LRMDA: variants seen among roughly 807,000 people sequenced by gnomAD.
The protein encoded by LRMDA is leucine-rich melanocyte differentiation-associated protein.
In LRMDA, 18 loss-of-function variants were observed where a neutral mutation model predicts 29.8. The observed-to-expected ratio is 0.60, with a 90% CI of 0.42 to 0.90. The LOEUF is 0.90. Among genes scored for constraint, LRMDA ranks in the 40% least tolerant of loss-of-function variants. LRMDA has a pLI of 0.00. For synonymous variants in LRMDA, 125 were observed against 109.4 expected (o/e 1.14, Z -0.89); for missense variants, 273 against 273.9 (o/e 1.00, Z 0.02).
chr10:75,895,682 A>G (rs1467753454), intron 2 of LRMDA, among the ~76,000 whole-genome samples: 1 of 152,210 alleles, frequency 6.6e-6, no homozygotes, highest in Non-Finnish European at 1.5e-5. Flanking sequence ...TGCTTAGGAA[A>G]TCCCCAGCAG....
At chr10:75,729,834 T>TC (rs1206016890) in intron 2 of LRMDA, among the ~76,000 whole-genome samples, 1 of 152,206 alleles carries the variant, frequency 6.6e-6, no homozygotes, top group Non-Finnish European at 1.5e-5. Context: ...TCTCACTTAG[T>TC]CACTCAAGGC....
At chr10:75,891,084 G>A (rs1885826) in intron 2 of LRMDA, among the ~76,000 whole-genome samples, 58,585 of 150,112 alleles carry the variant, frequency 0.39, 13,209 homozygotes, top group South Asian at 0.51. Context: ...CAGCCTGGGC[G>A]ACAGAGCTAG....
intron 2 of LRMDA, among the ~76,000 whole-genome samples, chr10:75,855,268 T>C (rs1433557976): frequency 6.6e-6 from 1 of 152,110 alleles, no homozygotes; most frequent in Admixed American, 6.5e-5. Context: ...TTCGAACTGG[T>C]GTGAGATGGT....
chr10:75,468,179 T>C (rs976446794), intron 2 of LRMDA, among the ~76,000 whole-genome samples: 2 of 152,200 alleles, frequency 1.3e-5, no homozygotes, highest in Non-Finnish European at 2.9e-5. Flanking sequence ...GGTTGGGGCA[T>C]TGATAATAGC....
chr10:76,488,831 C>T (rs1200578219), intron 6 of LRMDA, among the ~76,000 whole-genome samples: 4 of 151,672 alleles, frequency 2.6e-5, no homozygotes, highest in African/African-American at 2.4e-5. Context: ...CTTGAATTTG[C>T]GAGATAGATC....
At chr10:76,428,055 C>G (rs1842148483) in intron 6 of LRMDA, among the ~76,000 whole-genome samples, 1 of 152,108 alleles carries the variant, frequency 6.6e-6, no homozygotes, top group Admixed American at 6.6e-5. Flanking sequence ...GGATATTGGT[C>G]TAAAATTCTC....
At chr10:76,342,574 C>T (rs1386711050) in intron 6 of LRMDA, among the ~76,000 whole-genome samples, 4 of 150,860 alleles carry the variant, frequency 2.7e-5, no homozygotes, top group African/African-American at 9.7e-5. Context: ...TATAATAGAC[C>T]AAAAGTTAAT....
chr10:75,945,219 CAT>C (rs1321261827), intron 2 of LRMDA, among the ~76,000 whole-genome samples: 8 of 152,208 alleles, frequency 5.3e-5, no homozygotes, highest in Non-Finnish European at 1.2e-4. Flanking sequence ...TTGAGTCTCT[CAT>C]GTGGAAAGTA....
intron 6 of LRMDA, among the ~76,000 whole-genome samples, chr10:76,436,121 G>A (rs188686999): frequency 6.6e-6 from 1 of 152,330 alleles, no homozygotes; most frequent in Non-Finnish European, 1.5e-5. Flanking sequence ...GCCCAGCTCT[G>A]TGGTGATGGG....
At chr10:75,909,227 A>C (rs1209471951) in intron 2 of LRMDA, among the ~76,000 whole-genome samples, 1 of 152,258 alleles carries the variant, frequency 6.6e-6, no homozygotes, top group Non-Finnish European at 1.5e-5. Flanking sequence ...GAGAACCCAA[A>C]GAAGTAATTT....
At chr10:76,278,085 C>A (rs1840158560) in intron 5 of LRMDA, among the ~76,000 whole-genome samples, 1 of 152,132 alleles carries the variant, frequency 6.6e-6, no homozygotes, top group Admixed American at 6.5e-5. Context: ...TTGCTTCTTT[C>A]TAGATTTGGA....
chr10:75,554,835 G>T (rs975253738), intron 2 of LRMDA, among the ~76,000 whole-genome samples: 18 of 152,190 alleles, frequency 1.2e-4, no homozygotes, highest in Non-Finnish European at 2.4e-4. Flanking sequence ...TTCGTTAAAG[G>T]ATGATTGAGT....
At chr10:75,859,881 C>A (rs942445268) in intron 2 of LRMDA, among the ~76,000 whole-genome samples, 2 of 152,034 alleles carry the variant, frequency 1.3e-5, no homozygotes, top group Admixed American at 1.3e-4. Context: ...ACCTTTTAGG[C>A]CTTGATCCAT....
chr10:76,009,324 CA>C (rs940410667), intron 2 of LRMDA, among the ~76,000 whole-genome samples: 8 of 151,908 alleles, frequency 5.3e-5, no homozygotes, highest in Non-Finnish European at 1.5e-5. Context: ...AGCAACCAAA[CA>C]AAAAAACAAC....
chr10:76,038,428 A>G (rs1020966765), intron 3 of LRMDA, among the ~76,000 whole-genome samples: 6 of 152,340 alleles, frequency 3.9e-5, no homozygotes, highest in Non-Finnish European at 2.9e-5. Flanking sequence ...GGAGGGACCG[A>G]AGCAGAAGAC....
intron 2 of LRMDA, among the ~76,000 whole-genome samples, chr10:75,892,356 G>C (rs1183714651): frequency 6.6e-6 from 1 of 152,166 alleles, no homozygotes; most frequent in Non-Finnish European, 1.5e-5. Flanking sequence ...TCAGCCCAGG[G>C]AGCTCTGGGT....
chr10:76,451,641 G>A (rs1842408060), intron 6 of LRMDA, among the ~76,000 whole-genome samples: 2 of 146,364 alleles, frequency 1.4e-5, no homozygotes, highest in African/African-American at 2.5e-5. Flanking sequence ...CTTCTCCAAT[G>A]CTTTTTTTTT....
At chr10:76,150,958 G>T (rs941930889) in intron 5 of LRMDA, among the ~76,000 whole-genome samples, 1 of 152,100 alleles carries the variant, frequency 6.6e-6, no homozygotes, top group African/African-American at 2.4e-5. Context: ...GAGTCCAGGG[G>T]AGTGATGCCA....
chr10:76,248,098 G>A (rs1208134018), intron 5 of LRMDA, among the ~76,000 whole-genome samples: 1 of 152,140 alleles, frequency 6.6e-6, no homozygotes, highest in Non-Finnish European at 1.5e-5. Flanking sequence ...TACCCCAATA[G>A]TCCAGGACAG....
Sources: gnomAD v4.1 joint callset for allele counts (sites outside exome capture counted in the v4.1 genomes callset) on GRCh38, gnomAD v4.1.1 for gene constraint, MANE v1.5 for transcripts, NCBI Gene and HGNC (gene_info 2026-07-23, HGNC 2026-07-21) for gene names.